Variants in PTGR2 observed in about 807,000 individuals in gnomAD.
PTGR2 encodes 15-oxoprostaglandin 13-reductase.
PTGR2 carries 32 observed loss-of-function variants against 43.4 expected under a neutral mutation model. That is an observed-to-expected ratio of 0.74 (90% CI 0.56 to 0.99). The LOEUF (loss-of-function observed/expected upper bound fraction) is 0.99. Among genes scored for constraint, PTGR2 ranks in the 50% least tolerant of loss-of-function variants. PTGR2 has a pLI of 0.00. For synonymous variants in PTGR2, 106 were observed against 139.2 expected, an observed-to-expected ratio of 0.76 and a Z score of 1.68; for missense variants, 373 against 420.0, an observed-to-expected ratio of 0.89 and a Z score of 0.98.
chr14:73,858,129 C>G (rs1223252371), intron 1 of PTGR2: 1 of 152,116 alleles, frequency 6.6e-6, no homozygotes, highest in Non-Finnish European at 1.5e-5. Context: ...ACTGACTGAA[C>G]AATCAGGTGA....
rs1483223366 is a variant in PTGR2, at chr14:73,853,910, C to T, written c.-48+1967C>T. On this transcript the variant is annotated intron_variant, in intron 1 of 9. Coordinates refer to ENST00000555661, the MANE Select transcript of PTGR2 (RefSeq NM_001146154.2). ...TATCATCACATCGGAGCAAATTCGT[C>T]TGTTATTATTTTGGAATATTAGCAC... Among the ~76,000 whole-genome samples the T allele has an allele frequency of 2.6e-5, 4 of 152,070 alleles. No individual in the cohort carries two copies. In the East Asian group the frequency reaches 5.8e-4, roughly 22 times the overall value.
intron 1 of PTGR2, among the ~76,000 whole-genome samples, chr14:73,857,894 C>T (rs2140234433): frequency 6.6e-6 from 1 of 151,784 alleles, no homozygotes; most frequent in South Asian, 2.1e-4. Flanking sequence ...TGGTCTTGAA[C>T]TCTTGACCTT....
intron 1 of PTGR2, among the ~76,000 whole-genome samples, chr14:73,854,982 C>T (rs1205389195): frequency 6.6e-6 from 1 of 152,058 alleles, no homozygotes; most frequent in Non-Finnish European, 1.5e-5. Context: ...AGTCATTTAC[C>T]TTGTGATGGT....
At chr14:73,871,415 T>C (rs2054730034) in intron 3 of PTGR2, among the ~76,000 whole-genome samples, 1 of 151,610 alleles carries the variant, frequency 6.6e-6, no homozygotes, top group African/African-American at 2.4e-5. Flanking sequence ...ATTATTTTTA[T>C]TTGGCTATTC....
At chr14:73,857,224 A>G (rs1298754151) in intron 1 of PTGR2, among the ~76,000 whole-genome samples, 4 of 148,450 alleles carry the variant, frequency 2.7e-5, no homozygotes, top group Non-Finnish European at 4.5e-5. Flanking sequence ...CAGCTAAACT[A>G]TAAAGGAATT....
intron 3 of PTGR2, among the ~76,000 whole-genome samples, chr14:73,865,112 C>A (rs1566636821): frequency 6.6e-6 from 1 of 152,078 alleles, no homozygotes; most frequent in East Asian, 1.9e-4. Context: ...GGAATTGGCT[C>A]ACAAGATTAT....
chr14:73,879,116 T>A lies in PTGR2; in HGVS notation c.540T>A (p.Cys180Ter). ...CCTAGATTGGCCATTTCTTAGGTTG[T>A]TCCAGAGTGGTGGGAATTTGTGGAA... Reference protein sequence around the residue: ...VAGQIGHFLGCSRVVGICGTH... With the variant: ...VAGQIGHFLG The change falls in exon 6 of 10, where the codon TGT becomes TGA. Residue 180 changes from cysteine to a stop codon, truncating the protein, a stop_gained. Coordinates refer to ENST00000555661, the MANE Select transcript of PTGR2 (RefSeq NM_001146154.2). LOFTEE classifies it high-confidence loss of function. 1 of 1,614,164 alleles carries A rather than the reference T, an allele frequency of 6.2e-7. No homozygotes were observed. The highest frequency in any genetic ancestry group is 8.5e-7 in the Non-Finnish European group (1 of 1,180,014).
chr14:73,884,030 G>T, intron 9 of PTGR2, 71 bp from the exon 10 acceptor site: 1 of 891,628 alleles, frequency 1.1e-6, no homozygotes, highest in East Asian at 2.5e-5. Flanking sequence ...AATTTTATAT[G>T]TTGTACCTTT....
chr14:73,879,056 G>C, intron 5 of PTGR2, 40 bp from the exon 6 acceptor site: 5 of 1,505,998 alleles, frequency 3.3e-6, no homozygotes, highest in Non-Finnish European at 4.6e-6. Flanking sequence ...ATTTAAATGT[G>C]ACAATATAAA....
intron 9 of PTGR2, 64 bp from the exon 10 acceptor site, chr14:73,884,037 C>T: frequency 2.1e-6 from 2 of 960,022 alleles, no homozygotes; most frequent in Middle Eastern, 2.2e-4. Context: ...TATGTTGTAC[C>T]TTTTGGAAAC....
At chr14:73,861,202 T>TGTA in intron 3 of PTGR2, 1 of 152,554 alleles carries the variant, frequency 6.6e-6, no homozygotes, top group East Asian at 1.9e-4. Context: ...TGCTTAGCCC[T>TGTA]GTAGTTGATC....
In PTGR2 at chr14:73,875,307, C is replaced by T. The variant is rs578183242; in HGVS notation, c.348+1093C>T. On this transcript the variant is annotated intron_variant, in intron 4 of 9. Transcript: ENST00000555661. ...ACCACTGTGCCCAGCCTTAATGGTA[C>T]ATTTTAAGCATTAGTAATGAGAACT... is the stretch of plus-strand genomic sequence containing the variant. Among the ~76,000 whole-genome samples, 10 of 151,626 alleles carry T rather than the reference C, an allele frequency of 6.6e-5. No individual in the cohort carries two copies. The East Asian group carries it at 2.0e-3, about 30-fold the overall frequency.
chr14:73,854,743 C>T (rs549905012), intron 1 of PTGR2, among the ~76,000 whole-genome samples: 3 of 152,224 alleles, frequency 2.0e-5, no homozygotes, highest in African/African-American at 7.2e-5. Context: ...GCTTTTTAAT[C>T]CTTATATAAT....
chr14:73,857,001 G>C (rs1701781238), intron 1 of PTGR2, among the ~76,000 whole-genome samples: 1 of 152,204 alleles, frequency 6.6e-6, no homozygotes. Flanking sequence ...GCCAGATGTA[G>C]TGGCTCACGC....
At position 73,851,941 on chromosome 14, in the gene PTGR2, A is replaced by C. The variant is rs1170419853; in HGVS notation, c.-50A>C. 6.6e-6 allele frequency: 1 copy of C among 152,260 alleles called. No individual in the cohort carries two copies. Among genetic ancestry groups the C allele is most frequent in the African/African-American group, 2.4e-5 (1 of 41,518 alleles). The allele number at this position is 152,260 out of a possible 1,614,324, so 9.4% of individuals were successfully genotyped here. On this transcript the variant is annotated splice_region_variant and 5_prime_UTR_variant, in exon 1 of 10. Coordinates refer to ENST00000555661, the MANE Select transcript of PTGR2 (RefSeq NM_001146154.2). The stretch of plus-strand genomic sequence containing the variant: ...GAGATTTCGTTCACCCGGGCTCCAC[A>C]GGGTCAGTGACGCGCGAGCGGCTCC...
intron 3 of PTGR2, among the ~76,000 whole-genome samples, chr14:73,870,980 CTT>C (rs888903806): frequency 2.6e-5 from 4 of 152,144 alleles, no homozygotes; most frequent in Admixed American, 6.6e-5. Context: ...TCCAAGGTGT[CTT>C]TTTGTATTCT....
chr14:73,853,261 C>T (rs1270261871), intron 1 of PTGR2, among the ~76,000 whole-genome samples: 1 of 152,082 alleles, frequency 6.6e-6, no homozygotes, highest in African/African-American at 2.4e-5. Context: ...TGGGTTCTAG[C>T]GTTATTACAA....
At chr14:73,874,393 A>C (rs1375554281) in intron 4 of PTGR2, among the ~76,000 whole-genome samples, 179 bp downstream of exon 4, 2 of 152,104 alleles carry the variant, frequency 1.3e-5, no homozygotes, top group African/African-American at 4.8e-5. Flanking sequence ...AGGGAAGTTT[A>C]AATTGTCCTT....
In PTGR2 at chr14:73,865,736, CT is replaced by C. The variant is rs956932039; in HGVS notation, c.156+5092del. ...AAGTGAATATACAGTCGTGTCAGCA[CT>C]TTTTTTTTTTTTAAGAGAGACCAGA... On this transcript the variant is annotated intron_variant, in intron 3 of 9. Transcript: ENST00000555661. 5.5e-3 allele frequency among the ~76,000 whole-genome samples: 797 copies of C among 145,010 alleles called. 7 individuals are homozygous for C. The highest frequency in any genetic ancestry group is 0.017 in the African/African-American group (661 of 39,824).
Sources: gnomAD v4.1 joint callset for allele counts (sites outside exome capture counted in the v4.1 genomes callset) on GRCh38, gnomAD v4.1.1 for gene constraint, MANE v1.5 for transcripts, NCBI Gene and HGNC (gene_info 2026-07-23, HGNC 2026-07-21) for gene names.